The following RBMS3 variants were observed in gnomAD, a reference collection of about 807,000 sequenced individuals.
RBMS3 encodes RNA binding motif single stranded interacting protein 3.
In RBMS3, 27 loss-of-function variants were observed where a neutral mutation model predicts 66.8. The observed-to-expected ratio is 0.40, with a 90% CI of 0.30 to 0.56. The LOEUF (loss-of-function observed/expected upper bound fraction) is 0.56, where lower values mean the gene tolerates loss of function less well. RBMS3 is among the 20% of genes least tolerant of loss of function. The probability of loss-of-function intolerance (pLI) is 0.40; values close to 1 mark genes in which losing one functional copy is unlikely to be tolerated. For missense variants in RBMS3, 513 were observed against 549.5 expected, an observed-to-expected ratio of 0.93 and a Z score of 0.66; for synonymous variants, 188 against 183.0, an observed-to-expected ratio of 1.03 and a Z score of -0.22.
At chr3:29,414,203 C>G (rs73042521) in intron 1 of RBMS3, among the ~76,000 whole-genome samples, 3,880 of 152,176 alleles carry the variant, frequency 0.025, 68 homozygotes, top group East Asian at 0.038. Flanking sequence ...TGTGCAAAAT[C>G]AAAAACAAAA....
intron 3 of RBMS3, among the ~76,000 whole-genome samples, chr3:29,562,129 T>C (rs919299101): frequency 6.6e-6 from 1 of 152,200 alleles, no homozygotes; most frequent in African/African-American, 2.4e-5. Context: ...AGCCTTAGAA[T>C]ATTAGAAATC....
Position 29,740,708 on chromosome 3 carries a change from T to A in RBMS3, c.557+831T>A, listed in dbSNP as rs2054598888. 2.0e-5 allele frequency among the ~76,000 whole-genome samples: 3 copies of A among 152,196 alleles called. No individual in the cohort carries two copies. In the South Asian group the frequency reaches 6.2e-4, roughly 32 times the overall value. ...GATTTATCATGGATGAATGGATGGATGTTAAGTGTTATGTGGAAGTCAGCC... is the reference window on the plus strand; with the variant it reads ...GATTTATCATGGATGAATGGATGGAAGTTAAGTGTTATGTGGAAGTCAGCC... On this transcript the variant is annotated intron_variant, in intron 5 of 14. Transcript: ENST00000383767.
At chr3:29,755,330 A>G (rs2055362435) in intron 5 of RBMS3, among the ~76,000 whole-genome samples, 1 of 152,176 alleles carries the variant, frequency 6.6e-6, no homozygotes, top group African/African-American at 2.4e-5. Context: ...ATGGAGTATA[A>G]GGCAAACTTT....
chr3:29,295,396 A>G (rs929613404), intron 1 of RBMS3, among the ~76,000 whole-genome samples: 1 of 147,354 alleles, frequency 6.8e-6, no homozygotes, highest in Non-Finnish European at 1.5e-5. Flanking sequence ...TATATGTTTC[A>G]TGAAATTTTA....
intron 4 of RBMS3, among the ~76,000 whole-genome samples, chr3:29,702,213 AT>A: frequency 6.6e-6 from 1 of 152,250 alleles, no homozygotes; most frequent in African/African-American, 2.4e-5. Context: ...AGGATTGTAA[AT>A]CCACCAATCA....
intron 4 of RBMS3, among the ~76,000 whole-genome samples, chr3:29,596,532 G>T (rs1271879742): frequency 1.3e-5 from 2 of 152,174 alleles, no homozygotes; most frequent in Non-Finnish European, 2.9e-5. Context: ...TCTTACTAGG[G>T]TCCTTGGAGG....
At chr3:29,625,569 G>A (rs2049029542) in intron 4 of RBMS3, among the ~76,000 whole-genome samples, 1 of 151,912 alleles carries the variant, frequency 6.6e-6, no homozygotes, top group South Asian at 2.1e-4. Flanking sequence ...GTGGTGGTGT[G>A]CACCTATAAA....
intron 6 of RBMS3, among the ~76,000 whole-genome samples, chr3:29,822,566 C>A (rs2058100600): frequency 6.6e-6 from 1 of 152,188 alleles, no homozygotes; most frequent in African/African-American, 2.4e-5. Context: ...TTCTCTCCAA[C>A]ACTCCACTCT....
intron 4 of RBMS3, among the ~76,000 whole-genome samples, chr3:29,705,099 C>T (rs879606812): frequency 7.2e-5 from 11 of 152,274 alleles, no homozygotes; most frequent in Admixed American, 3.3e-4. Context: ...CCAAATAAAA[C>T]GATAGCTTTC....
At position 29,512,881 on chromosome 3, in the gene RBMS3, CA is replaced by C. The variant is rs1331333019; in HGVS notation, c.307+24386del. Among the ~76,000 whole-genome samples, 7 of 152,280 alleles carry C rather than the reference CA, an allele frequency of 4.6e-5. No homozygotes were observed. The East Asian group carries it at 9.7e-4, about 21-fold the overall frequency. On this transcript the variant is annotated intron_variant, in intron 3 of 14. Transcript: ENST00000383767. Reference sequence around the variant, plus strand: ...TTTCTTTATAATCTTGCAGCAGTTCCAAAAGTCCTTAGCTGAAGGATATATT... The same window carrying C: ...TTTCTTTATAATCTTGCAGCAGTTCCAAAGTCCTTAGCTGAAGGATATATT...
intron 4 of RBMS3, among the ~76,000 whole-genome samples, chr3:29,612,404 T>C (rs2048522501): frequency 6.6e-6 from 1 of 152,096 alleles, no homozygotes; most frequent in Non-Finnish European, 1.5e-5. Flanking sequence ...TTATGAGCCC[T>C]GTATTAATGA....
chr3:29,596,663 G>T (rs559310551), intron 4 of RBMS3, among the ~76,000 whole-genome samples: 59 of 152,332 alleles, frequency 3.9e-4, no homozygotes, highest in Admixed American at 1.2e-3. Context: ...TTTCCAAGGA[G>T]ATCATAAGTC....
intron 6 of RBMS3, among the ~76,000 whole-genome samples, chr3:29,867,003 G>A (rs896103270): frequency 1.9e-4 from 29 of 152,230 alleles, no homozygotes; most frequent in African/African-American, 6.5e-4. Flanking sequence ...GGTGACCCCT[G>A]TCTCTTTGAG....
intron 1 of RBMS3, among the ~76,000 whole-genome samples, chr3:29,343,657 A>G (rs1330140451): frequency 2.0e-5 from 3 of 152,314 alleles, no homozygotes; most frequent in East Asian, 3.9e-4. Context: ...CTTGGCTGGA[A>G]TGTTGGTGAA....
chr3:29,389,008 G>C (rs1408660021), intron 1 of RBMS3, among the ~76,000 whole-genome samples: 1 of 152,158 alleles, frequency 6.6e-6, no homozygotes, highest in East Asian at 1.9e-4. Flanking sequence ...ATCATCTCTT[G>C]ATTTTTTAAA....
intron 4 of RBMS3, among the ~76,000 whole-genome samples, chr3:29,718,560 G>T (rs556912122): frequency 1.8e-4 from 28 of 152,162 alleles, no homozygotes; most frequent in African/African-American, 4.8e-4. Context: ...AAAGTCTGGA[G>T]CATTTATTGT....
intron 6 of RBMS3, among the ~76,000 whole-genome samples, chr3:29,786,730 T>C (rs569943725): frequency 5.6e-4 from 86 of 152,280 alleles, no homozygotes; most frequent in African/African-American, 2.0e-3. Flanking sequence ...GCTGAAACCA[T>C]AAAGATTCTA....
At chr3:29,585,399 G>A (rs2149090711) in intron 3 of RBMS3, among the ~76,000 whole-genome samples, 1 of 152,246 alleles carries the variant, frequency 6.6e-6, no homozygotes, top group Non-Finnish European at 1.5e-5. Flanking sequence ...ACAACGTAGG[G>A]ATATAAAGCA....
chr3:29,796,206 C>A (rs1245350043), intron 6 of RBMS3, among the ~76,000 whole-genome samples: 1 of 152,112 alleles, frequency 6.6e-6, no homozygotes, highest in Non-Finnish European at 1.5e-5. Flanking sequence ...TCAAGTAATC[C>A]TCCTTTCTCT....
Sources: allele counts gnomAD v4.1 joint callset (sites outside exome capture counted in the v4.1 genomes callset), GRCh38; gene constraint gnomAD v4.1.1; transcripts MANE v1.5; gene names NCBI Gene and HGNC (gene_info 2026-07-23, HGNC 2026-07-21).